The following PACRG variants were observed in gnomAD, a reference collection of about 807,000 sequenced individuals.
PACRG encodes the protein parkin coregulated.
In PACRG, 29 loss-of-function variants were observed where a neutral mutation model predicts 29.7. The observed-to-expected ratio is 0.98, with a 90% CI of 0.73 to 1.33. The LOEUF is 1.33. Among genes scored for constraint, PACRG ranks in the 40% most tolerant of loss-of-function variants. The probability of loss-of-function intolerance (pLI) is 0.00; values close to 1 mark genes in which losing one functional copy is unlikely to be tolerated. For missense variants in PACRG, 279 were observed against 316.2 expected (o/e 0.88, Z 0.89); for synonymous variants, 116 against 118.7 (o/e 0.98, Z 0.15).
intron 4 of PACRG, among the ~76,000 whole-genome samples, chr6:163,141,116 G>A (rs573244124): frequency 4.5e-4 from 69 of 152,250 alleles, no homozygotes; most frequent in African/African-American, 1.3e-3. Context: ...CCACTGGATC[G>A]TCAGTGGAAT....
At chr6:162,754,256 A>G (rs1781728292) in intron 1 of PACRG, among the ~76,000 whole-genome samples, 1 of 152,142 alleles carries the variant, frequency 6.6e-6, no homozygotes, top group Admixed American at 6.5e-5. Flanking sequence ...ATTTTTTCAT[A>G]TACTTGTCAG....
intron 2 of PACRG, among the ~76,000 whole-genome samples, chr6:162,879,794 G>T (rs185824493): frequency 9.9e-5 from 15 of 152,282 alleles, no homozygotes; most frequent in Non-Finnish European, 1.9e-4. Context: ...AGCCTTCCAG[G>T]GCTGTCCAGT....
intron 2 of PACRG, among the ~76,000 whole-genome samples, chr6:162,930,606 A>G (rs183121191): frequency 4.6e-5 from 7 of 151,972 alleles, no homozygotes; most frequent in African/African-American, 1.7e-4. Context: ...TAATTGCTGT[A>G]GCCAGGACTT....
chr6:163,146,342 T>C (rs1190546261), intron 4 of PACRG, among the ~76,000 whole-genome samples: 2 of 152,184 alleles, frequency 1.3e-5, no homozygotes, highest in African/African-American at 2.4e-5. Flanking sequence ...CTTCTGTTGA[T>C]TTTCAGAATC....
chr6:163,199,392 C>T (rs566700396), intron 4 of PACRG, among the ~76,000 whole-genome samples: 5 of 152,166 alleles, frequency 3.3e-5, no homozygotes, highest in African/African-American at 9.7e-5. Context: ...TTGTGTCAGC[C>T]GCTGTTCCAA....
At chr6:163,179,769 A>G (rs4709680) in intron 4 of PACRG, among the ~76,000 whole-genome samples, 44,157 of 151,806 alleles carry the variant, frequency 0.29, 6,643 homozygotes, top group East Asian at 0.47. Context: ...ATGAGTTCCC[A>G]TCCACTCTGT....
At chr6:163,294,467 C>T (rs1784720542) in intron 4 of PACRG, among the ~76,000 whole-genome samples, 1 of 152,000 alleles carries the variant, frequency 6.6e-6, no homozygotes, top group Non-Finnish European at 1.5e-5. Context: ...GTCAGGTGGT[C>T]AATGTTGGTC....
intron 2 of PACRG, among the ~76,000 whole-genome samples, chr6:162,954,219 C>A (rs1367631225): frequency 6.6e-6 from 1 of 152,078 alleles, no homozygotes; most frequent in Non-Finnish European, 1.5e-5. Context: ...CAGCTCAAAG[C>A]AATTGTCTAG....
At chr6:163,141,448 T>TG (rs1265141316) in intron 4 of PACRG, among the ~76,000 whole-genome samples, 1 of 149,628 alleles carries the variant, frequency 6.7e-6, no homozygotes, top group African/African-American at 2.5e-5. Flanking sequence ...GTATGTGTTT[T>TG]TTTTTTTTTT....
At chr6:163,056,668 C>T (rs1451753342) in intron 2 of PACRG, among the ~76,000 whole-genome samples, 3 of 152,022 alleles carry the variant, frequency 2.0e-5, no homozygotes, top group Non-Finnish European at 2.9e-5. Flanking sequence ...TTTGCCCTCA[C>T]GGTGGGATTT....
At chr6:162,984,436 G>C (rs1205909719) in intron 2 of PACRG, among the ~76,000 whole-genome samples, 1 of 152,126 alleles carries the variant, frequency 6.6e-6, no homozygotes, top group East Asian at 1.9e-4. Flanking sequence ...GGGCATATGG[G>C]CTGGTTCCAT....
At chr6:163,006,034 ATATAACATATATAACTATG>A (rs1291678834) in intron 2 of PACRG, among the ~76,000 whole-genome samples, 1 of 144,068 alleles carries the variant, frequency 6.9e-6, no homozygotes, top group Non-Finnish European at 1.5e-5. Context: ...TATATGTTAT[ATATAACATATATAACTATG>A]TATAACATAT....
intron 2 of PACRG, among the ~76,000 whole-genome samples, chr6:162,877,219 A>T (rs2128005409): frequency 6.6e-6 from 1 of 152,334 alleles, no homozygotes; most frequent in Non-Finnish European, 1.5e-5. Context: ...GATAAAGAAA[A>T]TGTGGCACAT....
At chr6:162,996,497 G>C (rs1442279812) in intron 2 of PACRG, among the ~76,000 whole-genome samples, 1 of 152,116 alleles carries the variant, frequency 6.6e-6, no homozygotes, top group Non-Finnish European at 1.5e-5. Flanking sequence ...CTAGGTTAGA[G>C]CTAGAGAAAA....
At chr6:163,007,691 TG>T (rs1380186316) in intron 2 of PACRG, among the ~76,000 whole-genome samples, 4 of 152,182 alleles carry the variant, frequency 2.6e-5, no homozygotes, top group African/African-American at 9.6e-5. Flanking sequence ...TCCAGTGCCT[TG>T]AGAAACTATT....
At chr6:163,071,051 T>G (rs1811998477) in intron 3 of PACRG, among the ~76,000 whole-genome samples, 1 of 152,036 alleles carries the variant, frequency 6.6e-6, no homozygotes, top group Non-Finnish European at 1.5e-5. Context: ...GTAAAGCAAA[T>G]ATTATTAGAG....
chr6:163,035,430 C>T (rs1167495206), intron 2 of PACRG, among the ~76,000 whole-genome samples: 5 of 151,890 alleles, frequency 3.3e-5, no homozygotes, highest in Non-Finnish European at 4.4e-5. Flanking sequence ...AGGCAGATCA[C>T]GAGGTCAGGA....
chr6:163,147,398 A>G (rs1395495344), intron 4 of PACRG, among the ~76,000 whole-genome samples: 1 of 152,238 alleles, frequency 6.6e-6, no homozygotes. Context: ...AAATCTGACT[A>G]TATAAGCAGG....
At chr6:162,868,453 G>A (rs1010306897) in intron 2 of PACRG, among the ~76,000 whole-genome samples, 5 of 152,228 alleles carry the variant, frequency 3.3e-5, no homozygotes, top group Non-Finnish European at 7.3e-5. Context: ...GCTGTGGCAG[G>A]CCAGCCGCCG....
Sources: gnomAD v4.1 joint callset for allele counts (sites outside exome capture counted in the v4.1 genomes callset) on GRCh38, gnomAD v4.1.1 for gene constraint, MANE v1.5 for transcripts, NCBI Gene and HGNC (gene_info 2026-07-23, HGNC 2026-07-21) for gene names.